Variants in MITF observed in about 807,000 individuals in gnomAD.
The protein encoded by MITF is microphthalmia-associated transcription factor.
MITF carries 17 observed loss-of-function variants against 60.5 expected under a neutral mutation model. The observed-to-expected ratio is 0.28, with a 90% CI of 0.19 to 0.42. The LOEUF is 0.42. Ranked by LOEUF, MITF falls within the 10% of genes least tolerant of loss-of-function variation. The probability of loss-of-function intolerance (pLI) is 1.00; values close to 1 mark genes in which losing one functional copy is unlikely to be tolerated. For synonymous variants in MITF, 260 were observed against 248.5 expected (o/e 1.05, Z -0.43); for missense variants, 622 against 683.5 (o/e 0.91, Z 1.00).
chr3:69,931,863 G>A (rs1248547723), intron 2 of MITF, among the ~76,000 whole-genome samples: 1 of 152,212 alleles, frequency 6.6e-6, no homozygotes, highest in African/African-American at 2.4e-5. Flanking sequence ...GTTCGCCTCT[G>A]CGGACAGAAT....
At chr3:69,866,150 C>G in intron 1 of MITF, 1 of 1,470,402 alleles carries the variant, frequency 6.8e-7, no homozygotes. Context: ...AAACCAGGCA[C>G]CGTTCTAGCA....
At chr3:69,904,594 C>T (rs934423904) in intron 2 of MITF, among the ~76,000 whole-genome samples, 4 of 152,106 alleles carry the variant, frequency 2.6e-5, no homozygotes, top group Non-Finnish European at 4.4e-5. Context: ...TCACTCCTTC[C>T]GTAGAATTTG....
Position 69,951,854 on chromosome 3 carries a change from A to G in MITF, c.923A>G (p.Lys308Arg). 1 of 1,613,542 alleles carries G rather than the reference A, an allele frequency of 6.2e-7. No homozygotes were observed. The highest frequency in any genetic ancestry group is 8.5e-7 in the Non-Finnish European group (1 of 1,179,670). ...PTESEARALA[K>R]ERQKKDNHNL... ...GAGTCTGAAGCAAGAGCACTGGCCA[A>G]AGAGAGGCAGAAAAAGGACAATCAC... is the stretch of plus-strand genomic sequence containing the variant. The change falls in exon 7 of 10, where the codon AAA becomes AGA. Residue 308 changes from lysine to arginine, a missense_variant. Physicochemically the swap from Lys to Arg is conservative, Grantham distance 26. Transcript: ENST00000352241.
intron 1 of MITF, among the ~76,000 whole-genome samples, chr3:69,767,510 G>A (rs150236591): frequency 1.9e-4 from 29 of 152,170 alleles, no homozygotes; most frequent in Non-Finnish European, 3.5e-4. Flanking sequence ...GCTGGAACCC[G>A]GGAGGTGGAG....
intron 1 of MITF, among the ~76,000 whole-genome samples, chr3:69,811,461 A>G (rs2063099228): frequency 1.3e-5 from 2 of 152,174 alleles, no homozygotes; most frequent in Non-Finnish European, 1.5e-5. Context: ...CAGTATTCTC[A>G]TCCATAAAGT....
chr3:69,862,180 C>T (rs1020483287), intron 1 of MITF, among the ~76,000 whole-genome samples: 1 of 152,142 alleles, frequency 6.6e-6, no homozygotes, highest in African/African-American at 2.4e-5. Context: ...ATCTCACTCA[C>T]TCATTTGTTT....
rs202135701 is a variant in MITF at position 69,845,438 on chromosome 3, C to CTTTTTTTTTTTTTTTTTTT, written c.105-33693_105-33692insTTTTTTTTTTTTTTTTTTT. ...TCTTTTCTTTTCTTTTTTCTTTTTTCTTTCTTTTTTTTTTTTTTGCTATTT... is the reference window on the plus strand; with the variant it reads ...TCTTTTCTTTTCTTTTTTCTTTTTTCTTTTTTTTTTTTTTTTTTTTTTCTTTTTTTTTTTTTTGCTATTT... On this transcript the variant is annotated intron_variant, in intron 1 of 9. Coordinates refer to ENST00000352241, the MANE Select transcript of MITF (RefSeq NM_001354604.2). Among the ~76,000 whole-genome samples the CTTTTTTTTTTTTTTTTTTT allele has an allele frequency of 1.0e-4, 14 of 133,670 alleles. 1 individual carries two copies. The highest frequency in any genetic ancestry group is 2.4e-4 in the South Asian group (1 of 4,218). The allele number at this position is 133,670 out of a possible 152,430, so 87.7% of individuals were successfully genotyped here.
chr3:69,872,902 A>G (rs1176804398), intron 1 of MITF, among the ~76,000 whole-genome samples: 1 of 152,212 alleles, frequency 6.6e-6, no homozygotes, highest in African/African-American at 2.4e-5. Context: ...AGATAGGAGC[A>G]TTGTCCAGTT....
chr3:69,882,815 T>A (rs1490593230), intron 2 of MITF, among the ~76,000 whole-genome samples: 1 of 152,206 alleles, frequency 6.6e-6, no homozygotes, highest in African/African-American at 2.4e-5. Context: ...CTGACTTTGA[T>A]GAATTATAAA....
chr3:69,782,035 A>G (rs1189346637), intron 1 of MITF, among the ~76,000 whole-genome samples: 2 of 152,206 alleles, frequency 1.3e-5, no homozygotes, highest in African/African-American at 2.4e-5. Flanking sequence ...AAGGTAGTTG[A>G]TAGACTCCAG....
chr3:69,872,771 G>A (rs942347773), intron 1 of MITF, among the ~76,000 whole-genome samples: 42 of 152,102 alleles, frequency 2.8e-4, no homozygotes, highest in African/African-American at 9.2e-4. Context: ...ATTTTTAGCA[G>A]CGAATTGAGG....
rs572089896 is a variant in MITF, at chr3:69,874,910, C to G, written c.105-4224C>G. Reference sequence around the variant, plus strand: ...AGTTCAGAGCCCATGTCCAAAATACCTATACCATCACAGAGAAGAGGGAGG... The same window carrying G: ...AGTTCAGAGCCCATGTCCAAAATACGTATACCATCACAGAGAAGAGGGAGG... On this transcript the variant is annotated intron_variant, in intron 1 of 9. Coordinates refer to ENST00000352241, the MANE Select transcript of MITF (RefSeq NM_001354604.2). Among the ~76,000 whole-genome samples the G allele has an allele frequency of 4.6e-5, 7 of 152,272 alleles. 1 individual carries two copies. Among genetic ancestry groups the G allele is most frequent in the African/African-American group, 1.7e-4 (7 of 41,548 alleles).
chr3:69,796,362 G>A (rs1044004697), intron 1 of MITF, among the ~76,000 whole-genome samples: 1 of 152,064 alleles, frequency 6.6e-6, no homozygotes, highest in Non-Finnish European at 1.5e-5. Flanking sequence ...TTTAGAAAAG[G>A]GAATCTAATC....
intron 1 of MITF, among the ~76,000 whole-genome samples, chr3:69,817,747 C>T (rs1301848995): frequency 6.6e-6 from 1 of 151,886 alleles, no homozygotes; most frequent in Non-Finnish European, 1.5e-5. Context: ...TTGTATTTTT[C>T]TATATGTTTG....
chr3:69,918,226 C>T (rs75075202), intron 2 of MITF, among the ~76,000 whole-genome samples: 6 of 151,960 alleles, frequency 3.9e-5, no homozygotes, highest in South Asian at 2.1e-4. Flanking sequence ...CACCATGCCT[C>T]GCTAAATTTT....
intron 1 of MITF, chr3:69,866,299 G>A (rs368270702): frequency 1.9e-6 from 3 of 1,613,802 alleles, no homozygotes; most frequent in African/African-American, 2.7e-5. Flanking sequence ...AGATGGAGGC[G>A]CTTAGAGTTC....
At position 69,825,758 on chromosome 3, in the gene MITF, A is replaced by T. The variant is rs905341903; in HGVS notation, c.105-53376A>T. On this transcript the variant is annotated intron_variant, in intron 1 of 9. Coordinates refer to ENST00000352241, the MANE Select transcript of MITF (RefSeq NM_001354604.2). ...CTGGTCTGATCCCTTTATTTTTGAG[A>T]TGGGGAAACTGACCAAGAGTGAGGT... Among the ~76,000 whole-genome samples the T allele has an allele frequency of 4.6e-5, 7 of 152,228 alleles. No individual in the cohort carries two copies. The East Asian group carries it at 5.8e-4, about 13-fold the overall frequency.
At chr3:69,793,979 T>C (rs1054772879) in intron 1 of MITF, among the ~76,000 whole-genome samples, 18 of 152,230 alleles carry the variant, frequency 1.2e-4, no homozygotes, top group African/African-American at 4.1e-4. Flanking sequence ...TGACATCATT[T>C]TCTTCGACTG....
chr3:69,756,526 A>G (rs561184637), intron 1 of MITF, among the ~76,000 whole-genome samples: 2 of 151,900 alleles, frequency 1.3e-5, no homozygotes, highest in South Asian at 2.1e-4. Flanking sequence ...TCTTTATCCA[A>G]TCTATCATTG....
Sources: allele counts gnomAD v4.1 joint callset (sites outside exome capture counted in the v4.1 genomes callset), GRCh38; gene constraint gnomAD v4.1.1; transcripts MANE v1.5; gene names NCBI Gene and HGNC (gene_info 2026-07-23, HGNC 2026-07-21).